The following GPC5 variants were observed in gnomAD, a reference collection of about 807,000 sequenced individuals.
GPC5 encodes glypican 5.
Under a neutral mutation model 53.9 loss-of-function variants are expected in GPC5, and 47 were observed. The observed-to-expected ratio is 0.87, with a 90% CI of 0.69 to 1.11. The LOEUF is 1.11. Ranked by LOEUF, GPC5 falls within the 50% of genes most tolerant of loss-of-function variation. GPC5 has a pLI of 0.00. For missense variants in GPC5, 748 were observed against 713.1 expected, an observed-to-expected ratio of 1.05 and a Z score of -0.56; for synonymous variants, 286 against 263.3, an observed-to-expected ratio of 1.09 and a Z score of -0.84.
intron 7 of GPC5, among the ~76,000 whole-genome samples, chr13:92,487,850 A>AG (rs1229694952): frequency 1.2e-4 from 16 of 136,120 alleles, no homozygotes; most frequent in African/African-American, 5.0e-4. Context: ...TAAAAAAAAA[A>AG]AAAAAAAAAA....
At chr13:92,389,702 T>C (rs1184677798) in intron 7 of GPC5, among the ~76,000 whole-genome samples, 1 of 152,012 alleles carries the variant, frequency 6.6e-6, no homozygotes, top group Admixed American at 6.6e-5. Flanking sequence ...GACACTTAAC[T>C]TCAAAGAGCA....
At chr13:91,431,319 A>G (rs958046753) in intron 1 of GPC5, among the ~76,000 whole-genome samples, 1 of 152,164 alleles carries the variant, frequency 6.6e-6, no homozygotes. Flanking sequence ...CATCTGGTTT[A>G]TTTGACTGGA....
At chr13:92,347,409 C>T (rs1283871732) in intron 7 of GPC5, among the ~76,000 whole-genome samples, 1 of 152,026 alleles carries the variant, frequency 6.6e-6, no homozygotes, top group South Asian at 2.1e-4. Context: ...GAAACACAAG[C>T]TTTTAACCAA....
At chr13:92,290,496 T>G (rs2042986064) in intron 7 of GPC5, among the ~76,000 whole-genome samples, 1 of 152,112 alleles carries the variant, frequency 6.6e-6, no homozygotes, top group Admixed American at 6.5e-5. Context: ...TTCTGACCCT[T>G]TCCCCAAGTC....
At chr13:91,879,319 G>A (rs369892550) in intron 5 of GPC5, among the ~76,000 whole-genome samples, 100 of 152,156 alleles carry the variant, frequency 6.6e-4, no homozygotes, top group Middle Eastern at 3.4e-3. Context: ...ATTTTAGTAA[G>A]GACATATCTA....
intron 1 of GPC5, among the ~76,000 whole-genome samples, chr13:91,435,525 A>T (rs1879868039): frequency 1.3e-5 from 2 of 152,226 alleles, no homozygotes; most frequent in African/African-American, 4.8e-5. Context: ...CTTGCATCCC[A>T]GGGATGAAGC....
intron 7 of GPC5, among the ~76,000 whole-genome samples, chr13:92,606,328 C>T (rs7317739): frequency 6.6e-6 from 1 of 151,920 alleles, no homozygotes; most frequent in African/African-American, 2.4e-5. Flanking sequence ...ATGAGTGAGA[C>T]CATGTGGTGT....
chr13:92,445,823 G>A (rs1877796876), intron 7 of GPC5, among the ~76,000 whole-genome samples: 1 of 152,010 alleles, frequency 6.6e-6, no homozygotes, highest in East Asian at 1.9e-4. Context: ...TCTTGCCCAG[G>A]CTAGAGTCCA....
At chr13:91,975,239 G>T (rs1448806470) in intron 6 of GPC5, among the ~76,000 whole-genome samples, 2 of 152,016 alleles carry the variant, frequency 1.3e-5, no homozygotes, top group Non-Finnish European at 2.9e-5. Flanking sequence ...AACACCAAAA[G>T]CAATGGCAAC....
At chr13:91,908,457 A>G (rs1335305194) in intron 6 of GPC5, among the ~76,000 whole-genome samples, 1 of 152,116 alleles carries the variant, frequency 6.6e-6, no homozygotes, top group African/African-American at 2.4e-5. Context: ...GTTTTGCAGC[A>G]TTTCAATATA....
intron 6 of GPC5, among the ~76,000 whole-genome samples, chr13:92,031,574 G>T (rs2040841527): frequency 6.9e-6 from 1 of 145,548 alleles, no homozygotes; most frequent in Non-Finnish European, 1.5e-5. Context: ...TTTTATTATG[G>T]CCATTCTTGC....
chr13:92,297,873 A>G (rs1287519106), intron 7 of GPC5, among the ~76,000 whole-genome samples: 1 of 152,014 alleles, frequency 6.6e-6, no homozygotes, highest in African/African-American at 2.4e-5. Context: ...TATGAGCTGT[A>G]ACACTCACCG....
In GPC5 at chr13:92,404,983, C is replaced by A. The variant is rs551916125; in HGVS notation, c.1561+259994C>A. Among the ~76,000 whole-genome samples the A allele has an allele frequency of 3.3e-5, 5 of 150,284 alleles. No individual in the cohort carries two copies. In the South Asian group the frequency reaches 1.1e-3, roughly 32 times the overall value. ...ACAATGTATAAGGAAACCGATCTTG[C>A]CATAGGCAAATTAAATTCCTATGGC... On this transcript the variant is annotated intron_variant, in intron 7 of 7. Coordinates refer to ENST00000377067, the MANE Select transcript of GPC5 (RefSeq NM_004466.6).
At chr13:92,401,771 C>T (rs1030841017) in intron 7 of GPC5, among the ~76,000 whole-genome samples, 1 of 152,016 alleles carries the variant, frequency 6.6e-6, no homozygotes, top group African/African-American at 2.4e-5. Flanking sequence ...CTTTAATTAC[C>T]TGAGCATAAA....
At chr13:92,462,610 G>A (rs1224972727) in intron 7 of GPC5, among the ~76,000 whole-genome samples, 1 of 152,120 alleles carries the variant, frequency 6.6e-6, no homozygotes, top group Non-Finnish European at 1.5e-5. Flanking sequence ...GCTTAGGTGA[G>A]AGTTCTGGGC....
chr13:91,409,259 TA>T (rs1877549381), intron 1 of GPC5, among the ~76,000 whole-genome samples: 1 of 152,122 alleles, frequency 6.6e-6, no homozygotes, highest in African/African-American at 2.4e-5. Context: ...CATTTTACTC[TA>T]GGGGGAAAAA....
At chr13:92,574,863 G>T (rs1883143330) in intron 7 of GPC5, among the ~76,000 whole-genome samples, 1 of 152,154 alleles carries the variant, frequency 6.6e-6, no homozygotes, top group Non-Finnish European at 1.5e-5. Flanking sequence ...TAGCAAGAAG[G>T]TCAGGAGTAA....
intron 7 of GPC5, among the ~76,000 whole-genome samples, chr13:92,618,059 A>G (rs999241811): frequency 4.6e-5 from 7 of 152,146 alleles, no homozygotes; most frequent in African/African-American, 1.7e-4. Context: ...TGAAATTAAT[A>G]AAAACTTGTC....
chr13:92,207,849 T>C (rs144744928), intron 7 of GPC5, among the ~76,000 whole-genome samples: 1 of 152,350 alleles, frequency 6.6e-6, no homozygotes, highest in African/African-American at 2.4e-5. Flanking sequence ...TATAGTACTC[T>C]GAACATTTTT....
Sources: gnomAD v4.1 joint callset for allele counts (sites outside exome capture counted in the v4.1 genomes callset) on GRCh38, gnomAD v4.1.1 for gene constraint, MANE v1.5 for transcripts, NCBI Gene and HGNC (gene_info 2026-07-23, HGNC 2026-07-21) for gene names.